CSMD3: variants seen among roughly 807,000 people sequenced by gnomAD.
CSMD3 encodes CUB and Sushi multiple domains 3, also known as CUB and sushi domain-containing protein 3.
In CSMD3, 177 loss-of-function variants were observed where a neutral mutation model predicts 435.2. That is an observed-to-expected ratio of 0.41 (90% CI 0.36 to 0.46). CSMD3 has a LOEUF of 0.46. Ranked by LOEUF, CSMD3 falls within the 20% of genes least tolerant of loss-of-function variation. The pLI is 0.34. For synonymous variants in CSMD3, 1,656 were observed against 1,520.5 expected, an observed-to-expected ratio of 1.09 and a Z score of -2.07; for missense variants, 4,265 against 4,504.6, an observed-to-expected ratio of 0.95 and a Z score of 1.52.
At chr8:113,302,189 C>A (rs1050891205) in intron 2 of CSMD3, among the ~76,000 whole-genome samples, 1 of 142,938 alleles carries the variant, frequency 7.0e-6, no homozygotes, top group African/African-American at 2.6e-5. Flanking sequence ...GATATCAATA[C>A]TTTTGAGATT....
At position 113,019,260 on chromosome 8, in the gene CSMD3, A is replaced by G. The variant is rs1018661007; in HGVS notation, c.918-81T>C. 2.8e-5 allele frequency: 23 copies of G among 835,338 alleles called. No individual in the cohort carries two copies. In the African/African-American group the frequency reaches 3.5e-4, roughly 13 times the overall value. 51.7% of individuals were successfully genotyped at this position (835,338 alleles called of 1,614,324 possible). On this transcript the variant is annotated intron_variant, in intron 5 of 70. Transcript: ENST00000297405. The stretch of plus-strand genomic sequence containing the variant: ...TTTTCACAAAATTGGGACCAAACAA[A>G]TGTCCAACTATATTCATGACTTTGC...
intron 5 of CSMD3, among the ~76,000 whole-genome samples, chr8:113,062,910 T>C (rs1304184248): frequency 6.6e-6 from 1 of 151,738 alleles, no homozygotes; most frequent in African/African-American, 2.4e-5. Context: ...ATTTTCCGCT[T>C]TTATAGGTGA....
intron 32 of CSMD3, among the ~76,000 whole-genome samples, chr8:112,441,736 G>A (rs1563950018): frequency 6.6e-6 from 1 of 152,114 alleles, no homozygotes; most frequent in African/African-American, 2.4e-5. Flanking sequence ...CAGAGTGAAG[G>A]GGGAAAAGGC....
At chr8:113,131,001 A>C (rs1461685289) in intron 4 of CSMD3, among the ~76,000 whole-genome samples, 1 of 152,156 alleles carries the variant, frequency 6.6e-6, no homozygotes, top group Non-Finnish European at 1.5e-5. Flanking sequence ...TGGAAGAAGA[A>C]ATTTCTAAGG....
chr8:113,018,453 A>G (rs1288442661), intron 6 of CSMD3, among the ~76,000 whole-genome samples: 1 of 152,130 alleles, frequency 6.6e-6, no homozygotes, highest in African/African-American at 2.4e-5. Context: ...TGAGAATGAA[A>G]TGAATTATTT....
At chr8:113,144,595 AT>A (rs36056665) in intron 4 of CSMD3, among the ~76,000 whole-genome samples, 6 of 150,618 alleles carry the variant, frequency 4.0e-5, no homozygotes, top group South Asian at 2.1e-4. Flanking sequence ...CTTCAAATAC[AT>A]TTTTTTTTCT....
intron 2 of CSMD3, among the ~76,000 whole-genome samples, chr8:113,298,299 C>T (rs7002949): frequency 0.64 from 96,466 of 151,740 alleles, 31,406 homozygotes; most frequent in East Asian, 0.75. Flanking sequence ...AAAATACTTA[C>T]GTATTTTAAC....
chr8:113,435,722 CA>C (rs2094702083), intron 1 of CSMD3, among the ~76,000 whole-genome samples: 1 of 151,908 alleles, frequency 6.6e-6, no homozygotes, highest in South Asian at 2.1e-4. Context: ...GGTGATTGTT[CA>C]AAAAATGATG....
intron 12 of CSMD3, among the ~76,000 whole-genome samples, chr8:112,819,459 C>T (rs2079469068): frequency 6.6e-6 from 1 of 152,062 alleles, no homozygotes; most frequent in Non-Finnish European, 1.5e-5. Context: ...ATTATAAATC[C>T]AGGTAATTCT....
intron 2 of CSMD3, chr8:113,309,092 GCACAGGC>G (rs2093846967): frequency 6.6e-6 from 1 of 152,214 alleles, no homozygotes; most frequent in African/African-American, 2.4e-5. Context: ...GGGATTACAG[GCACAGGC>G]CACCACACCC....
At position 112,829,796 on chromosome 8, in the gene CSMD3, G is replaced by A. The variant is rs1381707994; in HGVS notation, c.1756-7C>T. 1 of 1,531,446 alleles carries A rather than the reference G, an allele frequency of 6.5e-7. No homozygotes were observed. The highest frequency in any genetic ancestry group is 9.0e-7 in the Non-Finnish European group (1 of 1,105,464). The allele number at this position is 1,531,446 out of a possible 1,614,324, so 94.9% of individuals were successfully genotyped here. ...CAAAATTTATCTGGATAACCTAGCA[G>A]TAAACAGAAACATGCACCTTAAATA... is the stretch of plus-strand genomic sequence containing the variant. On this transcript the variant is annotated splice_polypyrimidine_tract_variant and splice_region_variant and intron_variant, in intron 11 of 70. Transcript: ENST00000297405.
chr8:112,394,659 A>G (rs1035230157), intron 35 of CSMD3, among the ~76,000 whole-genome samples: 2 of 152,062 alleles, frequency 1.3e-5, no homozygotes, highest in Non-Finnish European at 2.9e-5. Flanking sequence ...CCCTCTGTTC[A>G]TTTTATTCAG....
At chr8:112,348,553 A>G (rs778965586) in intron 40 of CSMD3, among the ~76,000 whole-genome samples, 3 of 152,082 alleles carry the variant, frequency 2.0e-5, no homozygotes, top group Non-Finnish European at 4.4e-5. Flanking sequence ...CACATGTAGT[A>G]CCAGCTTATT....
At chr8:113,209,924 T>C (rs952595802) in intron 3 of CSMD3, among the ~76,000 whole-genome samples, 4 of 152,000 alleles carry the variant, frequency 2.6e-5, no homozygotes, top group African/African-American at 9.7e-5. Context: ...TAAAAATGCC[T>C]GTATTTTCTC....
intron 4 of CSMD3, among the ~76,000 whole-genome samples, chr8:113,137,876 A>G (rs2091454676): frequency 6.6e-6 from 1 of 151,546 alleles, no homozygotes; most frequent in Admixed American, 6.6e-5. Flanking sequence ...TCAGTTTCTT[A>G]TTGGAATTAC....
At position 112,832,886 on chromosome 8, in the gene CSMD3, C is replaced by CAAAA. The variant is rs2079917315; in HGVS notation, c.1756-3098_1756-3097insTTTT. Among the ~76,000 whole-genome samples, 5 of 152,190 alleles carry CAAAA rather than the reference C, an allele frequency of 3.3e-5. 1 individual carries two copies. The South Asian group carries it at 1.0e-3, about 32-fold the overall frequency. On this transcript the variant is annotated intron_variant, in intron 11 of 70. Coordinates refer to ENST00000297405, the MANE Select transcript of CSMD3 (RefSeq NM_198123.2). Reference sequence around the variant, plus strand: ...CATTTTTCCCTCCAATATGAACATCCAGTTGTCTCAATACTTTTTATTTAA... The same window carrying CAAAA: ...CATTTTTCCCTCCAATATGAACATCCAAAAAGTTGTCTCAATACTTTTTATTTAA...
At chr8:112,290,738 C>T (rs1052747284) in intron 56 of CSMD3, among the ~76,000 whole-genome samples, 1 of 151,982 alleles carries the variant, frequency 6.6e-6, no homozygotes, top group Non-Finnish European at 1.5e-5. Flanking sequence ...TCTTCACACG[C>T]TATTCATTCA....
intron 2 of CSMD3, among the ~76,000 whole-genome samples, chr8:113,289,939 G>A (rs902612583): frequency 6.6e-6 from 1 of 151,084 alleles, no homozygotes; most frequent in African/African-American, 2.4e-5. Flanking sequence ...ACCCACTCTC[G>A]GTTTTAGCAA....
intron 13 of CSMD3, among the ~76,000 whole-genome samples, chr8:112,792,403 G>A (rs2078714044): frequency 6.6e-6 from 1 of 152,218 alleles, no homozygotes; most frequent in South Asian, 2.1e-4. Context: ...ATGGTGAAGA[G>A]AGACAGAGTG....
Sources: allele counts gnomAD v4.1 joint callset (sites outside exome capture counted in the v4.1 genomes callset), GRCh38; gene constraint gnomAD v4.1.1; transcripts MANE v1.5; gene names NCBI Gene and HGNC (gene_info 2026-07-23, HGNC 2026-07-21).